Variants in KIF6 observed in about 807,000 individuals in gnomAD.
KIF6 encodes the protein kinesin-like protein KIF6.
In KIF6, 106 loss-of-function variants were observed where a neutral mutation model predicts 112.7. The ratio of observed to expected loss-of-function variants is 0.94; its 90% CI spans 0.80 to 1.11. The LOEUF (loss-of-function observed/expected upper bound fraction) is 1.11. KIF6 is among the 50% of genes least tolerant of loss of function. KIF6 has a pLI of 0.00. For missense variants in KIF6, 929 were observed against 964.0 expected (o/e 0.96, Z 0.48); for synonymous variants, 339 against 339.9 (o/e 1.00, Z 0.03).
chr6:39,483,844 C>A (rs1774954897), intron 13 of KIF6, among the ~76,000 whole-genome samples: 1 of 152,198 alleles, frequency 6.6e-6, no homozygotes, highest in African/African-American at 2.4e-5. Flanking sequence ...GACCAGGTAT[C>A]TAAAAGTGAC....
At chr6:39,655,070 T>C (rs1242133787) in intron 3 of KIF6, among the ~76,000 whole-genome samples, 1 of 152,214 alleles carries the variant, frequency 6.6e-6, no homozygotes, top group Non-Finnish European at 1.5e-5. Flanking sequence ...TATTCAGACC[T>C]GTAACAGAAG....
intron 3 of KIF6, among the ~76,000 whole-genome samples, chr6:39,683,182 TG>T: frequency 6.6e-6 from 1 of 152,304 alleles, no homozygotes; most frequent in African/African-American, 2.4e-5. Flanking sequence ...GGGGGATGAT[TG>T]GATATGATCT....
intron 3 of KIF6, among the ~76,000 whole-genome samples, chr6:39,668,451 A>C (rs1302843718): frequency 6.6e-6 from 1 of 152,206 alleles, no homozygotes; most frequent in African/African-American, 2.4e-5. Context: ...TTGTCCTAGA[A>C]TCCAAAGAGC....
intron 13 of KIF6, among the ~76,000 whole-genome samples, chr6:39,524,880 TG>T (rs1777616145): frequency 6.6e-6 from 1 of 152,154 alleles, no homozygotes; most frequent in Non-Finnish European, 1.5e-5. Flanking sequence ...TACTAATATA[TG>T]GGGAAATGCA....
intron 13 of KIF6, among the ~76,000 whole-genome samples, chr6:39,455,487 T>C (rs1288224297): frequency 6.6e-6 from 1 of 152,068 alleles, no homozygotes; most frequent in East Asian, 1.9e-4. Context: ...AGGAATGCAG[T>C]TCCTCACCAG....
chr6:39,637,315 T>C (rs1245595358), intron 4 of KIF6, among the ~76,000 whole-genome samples: 1 of 152,004 alleles, frequency 6.6e-6, no homozygotes. Flanking sequence ...ACACTTAAAA[T>C]TCACTGAGCT....
At chr6:39,358,849 C>T (rs1581666967) in intron 18 of KIF6, among the ~76,000 whole-genome samples, 1 of 152,204 alleles carries the variant, frequency 6.6e-6, no homozygotes, top group Non-Finnish European at 1.5e-5. Context: ...TTTCATATCA[C>T]CTGACAGTTG....
chr6:39,533,903 T>G (rs889342640), intron 13 of KIF6, among the ~76,000 whole-genome samples: 2 of 152,158 alleles, frequency 1.3e-5, no homozygotes, highest in Non-Finnish European at 2.9e-5. Flanking sequence ...TTGCGGTTCA[T>G]GAAAATCTGC....
intron 13 of KIF6, among the ~76,000 whole-genome samples, chr6:39,538,314 T>G: frequency 6.6e-6 from 1 of 151,592 alleles, no homozygotes; most frequent in South Asian, 2.1e-4. Flanking sequence ...CGCAACCTAC[T>G]CATCTGACAG....
intron 16 of KIF6, among the ~76,000 whole-genome samples, chr6:39,369,745 C>T (rs772874492): frequency 1.8e-4 from 28 of 152,164 alleles, no homozygotes; most frequent in African/African-American, 6.0e-4. Context: ...GGGCCATACA[C>T]CATACACAGG....
At chr6:39,561,039 C>T (rs1002059416) in intron 10 of KIF6, among the ~76,000 whole-genome samples, 26 of 152,200 alleles carry the variant, frequency 1.7e-4, no homozygotes, top group Admixed American at 1.6e-3. Context: ...ACTGGGGGCA[C>T]TTATGGACTA....
intron 16 of KIF6, among the ~76,000 whole-genome samples, chr6:39,363,972 T>C (rs1765369061): frequency 6.6e-6 from 1 of 152,214 alleles, no homozygotes; most frequent in South Asian, 2.1e-4. Context: ...GCCAAGACAT[T>C]TCCCGCTAAC....
At chr6:39,348,217 A>G (rs1050841644) in intron 19 of KIF6, among the ~76,000 whole-genome samples, 1 of 152,202 alleles carries the variant, frequency 6.6e-6, no homozygotes, top group African/African-American at 2.4e-5. Context: ...AAAATGGCTC[A>G]TTCACTCAGT....
At chr6:39,367,258 CAGA>C (rs1376031446) in intron 16 of KIF6, among the ~76,000 whole-genome samples, 2 of 152,196 alleles carry the variant, frequency 1.3e-5, no homozygotes, top group Non-Finnish European at 2.9e-5. Context: ...TGAGCAAGAA[CAGA>C]AGAAGAGGGA....
At chr6:39,525,918 A>G (rs1777698286) in intron 13 of KIF6, among the ~76,000 whole-genome samples, 1 of 152,208 alleles carries the variant, frequency 6.6e-6, no homozygotes, top group African/African-American at 2.4e-5. Context: ...ACTAGATGGG[A>G]AAATGGAAAT....
intron 15 of KIF6, among the ~76,000 whole-genome samples, chr6:39,402,852 G>A (rs965478310): frequency 5.9e-5 from 9 of 152,086 alleles, no homozygotes; most frequent in Non-Finnish European, 1.3e-4. Context: ...ATTACTGAAT[G>A]AATAAACCTG....
chr6:39,385,872 G>A (rs2150314715), intron 15 of KIF6, among the ~76,000 whole-genome samples, 200 bp from the exon 16 acceptor site: 1 of 152,244 alleles, frequency 6.6e-6, no homozygotes, highest in East Asian at 1.9e-4. Context: ...CCTAGGTGCT[G>A]GCACATCAGT....
intron 3 of KIF6, among the ~76,000 whole-genome samples, chr6:39,689,599 T>C (rs1383881947): frequency 2.0e-5 from 3 of 152,188 alleles, no homozygotes; most frequent in South Asian, 2.1e-4. Context: ...TTATTTTTTG[T>C]TTTTCTTTTT....
At chr6:39,681,233 C>T (rs1787491416) in intron 3 of KIF6, among the ~76,000 whole-genome samples, 1 of 152,120 alleles carries the variant, frequency 6.6e-6, no homozygotes, top group Non-Finnish European at 1.5e-5. Context: ...CATAATATAA[C>T]CAAGCTGTTT....
Sources: allele counts gnomAD v4.1 joint callset (sites outside exome capture counted in the v4.1 genomes callset), GRCh38; gene constraint gnomAD v4.1.1; transcripts MANE v1.5; gene names NCBI Gene and HGNC (gene_info 2026-07-23, HGNC 2026-07-21).